The following PAK5 variants were observed in gnomAD, a reference collection of about 807,000 sequenced individuals.
PAK5 encodes p21 (RAC1) activated kinase 5.
PAK5 carries 16 observed loss-of-function variants against 65.9 expected under a neutral mutation model. That is an observed-to-expected ratio of 0.24 (90% CI 0.16 to 0.37). The LOEUF is 0.37. Among genes scored for constraint, PAK5 ranks in the 10% least tolerant of loss-of-function variants. PAK5 has a pLI of 1.00. For missense variants in PAK5, 785 were observed against 903.9 expected (o/e 0.87, Z 1.69); for synonymous variants, 371 against 354.9 (o/e 1.05, Z -0.51).
intron 1 of PAK5, among the ~76,000 whole-genome samples, chr20:9,729,629 G>A (rs1227477950): frequency 6.6e-6 from 1 of 152,146 alleles, no homozygotes; most frequent in African/African-American, 2.4e-5. Context: ...GATCTTCCCT[G>A]CTTCTACTGA....
chr20:9,739,357 T>C (rs1453045812), intron 1 of PAK5, among the ~76,000 whole-genome samples: 1 of 152,126 alleles, frequency 6.6e-6, no homozygotes, highest in Admixed American at 6.6e-5. Flanking sequence ...TTAATCTCTC[T>C]TGTTATACAG....
intron 3 of PAK5, among the ~76,000 whole-genome samples, chr20:9,635,157 T>A (rs1012515420): frequency 6.6e-6 from 1 of 152,216 alleles, no homozygotes; most frequent in African/African-American, 2.4e-5. Flanking sequence ...AAGGTTTGAA[T>A]TTTTATTAAA....
intron 1 of PAK5, among the ~76,000 whole-genome samples, chr20:9,765,924 T>C (rs1340029264): frequency 6.6e-6 from 1 of 152,094 alleles, no homozygotes; most frequent in Non-Finnish European, 1.5e-5. Context: ...CTGTTTAAAA[T>C]GATAACCAAG....
At chr20:9,558,327 G>A (rs1274624222) in intron 6 of PAK5, among the ~76,000 whole-genome samples, 9 of 151,782 alleles carry the variant, frequency 5.9e-5, no homozygotes, top group African/African-American at 2.2e-4. Flanking sequence ...GGCCAGCCTG[G>A]TCTTGAACTA....
At chr20:9,758,158 T>C (rs935430402) in intron 1 of PAK5, among the ~76,000 whole-genome samples, 2 of 152,216 alleles carry the variant, frequency 1.3e-5, no homozygotes, top group Admixed American at 6.5e-5. Flanking sequence ...ATTGTGTGCA[T>C]GCCTGCTTTT....
chr20:9,781,454 A>G (rs2048939283), intron 1 of PAK5, among the ~76,000 whole-genome samples: 1 of 152,188 alleles, frequency 6.6e-6, no homozygotes, highest in Non-Finnish European at 1.5e-5. Context: ...ATCACACACC[A>G]TATTTGTGTA....
intron 3 of PAK5, among the ~76,000 whole-genome samples, chr20:9,612,891 G>C (rs1433251138): frequency 6.6e-6 from 1 of 151,552 alleles, no homozygotes; most frequent in Admixed American, 6.6e-5. Flanking sequence ...AGTTTTTACT[G>C]TATCTCCCCC....
At chr20:9,719,507 A>G (rs946123360) in intron 1 of PAK5, among the ~76,000 whole-genome samples, 1 of 152,152 alleles carries the variant, frequency 6.6e-6, no homozygotes, top group Non-Finnish European at 1.5e-5. Flanking sequence ...ACTGTGAACT[A>G]TACTATTATC....
At chr20:9,564,084 G>T (rs938392681) in intron 5 of PAK5, among the ~76,000 whole-genome samples, 1 of 152,128 alleles carries the variant, frequency 6.6e-6, no homozygotes, top group African/African-American at 2.4e-5. Context: ...ATGCTTTCCT[G>T]GAGACTAACA....
At chr20:9,775,513 A>G (rs2123686488) in intron 1 of PAK5, among the ~76,000 whole-genome samples, 1 of 152,328 alleles carries the variant, frequency 6.6e-6, no homozygotes, top group South Asian at 2.1e-4. Context: ...CTTTCCTTCA[A>G]GTACTAAATA....
intron 2 of PAK5, among the ~76,000 whole-genome samples, chr20:9,690,458 A>C (rs556978969): frequency 6.6e-6 from 1 of 152,262 alleles, no homozygotes; most frequent in East Asian, 1.9e-4. Context: ...TAGTCCCAGG[A>C]AGCAATGGTA....
At chr20:9,825,824 T>C (rs879735069) in intron 1 of PAK5, among the ~76,000 whole-genome samples, 1 of 152,220 alleles carries the variant, frequency 6.6e-6, no homozygotes, top group Non-Finnish European at 1.5e-5. Flanking sequence ...ATTAAATAAG[T>C]TGGTCCATAT....
intron 3 of PAK5, among the ~76,000 whole-genome samples, chr20:9,610,834 C>T (rs1211886365): frequency 6.6e-6 from 1 of 152,144 alleles, no homozygotes. Flanking sequence ...CAGGAGGTGG[C>T]TATGTCATGA....
intron 2 of PAK5, among the ~76,000 whole-genome samples, chr20:9,669,739 CTTTATT>C (rs1329180727): frequency 1.3e-5 from 2 of 151,892 alleles, no homozygotes; most frequent in South Asian, 2.1e-4. Context: ...GTACACCTCA[CTTTATT>C]TTTATTTTTA....
intron 7 of PAK5, among the ~76,000 whole-genome samples, chr20:9,556,367 CA>C (rs2045506947): frequency 6.6e-6 from 1 of 152,186 alleles, no homozygotes; most frequent in Non-Finnish European, 1.5e-5. Flanking sequence ...ATAATATTTA[CA>C]ATCTTTTTAA....
intron 2 of PAK5, among the ~76,000 whole-genome samples, chr20:9,674,208 GGCCTATTTTTA>G (rs1198676810): frequency 3.3e-5 from 5 of 152,030 alleles, no homozygotes; most frequent in Admixed American, 2.6e-4. Context: ...CTTCTACTGT[GGCCTATTTTTA>G]GCTATCCTTG....
At chr20:9,802,937 TTACTA>T (rs2049189261) in intron 1 of PAK5, among the ~76,000 whole-genome samples, 1 of 133,642 alleles carries the variant, frequency 7.5e-6, no homozygotes, top group African/African-American at 2.7e-5. Context: ...TATATATGAA[TTACTA>T]ATAGCAAAAA....
At chr20:9,591,353 A>AAGGAT (rs1444751161) in intron 3 of PAK5, among the ~76,000 whole-genome samples, 2 of 152,138 alleles carry the variant, frequency 1.3e-5, no homozygotes, top group Admixed American at 1.3e-4. Context: ...CAGGAGTAGA[A>AAGGAT]AGGATAGTCA....
chr20:9,834,980 G>GA (rs1569106716), intron 1 of PAK5, among the ~76,000 whole-genome samples: 1 of 152,098 alleles, frequency 6.6e-6, no homozygotes, highest in East Asian at 1.9e-4. Flanking sequence ...AAAATATTTT[G>GA]ACTCAATTCT....
Sources: gnomAD v4.1 joint callset for allele counts (sites outside exome capture counted in the v4.1 genomes callset) on GRCh38, gnomAD v4.1.1 for gene constraint, MANE v1.5 for transcripts, NCBI Gene and HGNC (gene_info 2026-07-23, HGNC 2026-07-21) for gene names.